APBA1: variants seen among roughly 807,000 people sequenced by gnomAD.
The protein encoded by APBA1 is amyloid-beta A4 precursor protein-binding family A member 1.
In APBA1, 55 loss-of-function variants were observed where a neutral mutation model predicts 86.6. The ratio of observed to expected loss-of-function variants is 0.64; its 90% CI spans 0.51 to 0.80. APBA1 has a LOEUF of 0.80. Among genes scored for constraint, APBA1 ranks in the 30% least tolerant of loss-of-function variants. The probability of loss-of-function intolerance (pLI) is 0.00; values close to 1 mark genes in which losing one functional copy is unlikely to be tolerated. For missense variants in APBA1, 1,090 were observed against 1,183.0 expected (o/e 0.92, Z 1.15); for synonymous variants, 511 against 493.9 (o/e 1.03, Z -0.46).
At chr9:69,538,459 T>C (rs938958222) in intron 1 of APBA1, among the ~76,000 whole-genome samples, 4 of 152,172 alleles carry the variant, frequency 2.6e-5, no homozygotes, top group Non-Finnish European at 5.9e-5. Flanking sequence ...GAAAGGTACT[T>C]AGTGCTTTCC....
chr9:69,498,063 C>A (rs1193139544), intron 2 of APBA1, among the ~76,000 whole-genome samples: 1 of 152,086 alleles, frequency 6.6e-6, no homozygotes, highest in African/African-American at 2.4e-5. Flanking sequence ...TGGGTAATCT[C>A]CTCCCTGGGG....
chr9:69,492,879 T>C (rs1835736504), intron 2 of APBA1, among the ~76,000 whole-genome samples: 1 of 152,086 alleles, frequency 6.6e-6, no homozygotes, highest in South Asian at 2.1e-4. Context: ...GCAACAGAAA[T>C]TCATGGTAAT....
At chr9:69,513,777 G>A (rs1222696694) in intron 2 of APBA1, among the ~76,000 whole-genome samples, 1 of 152,202 alleles carries the variant, frequency 6.6e-6, no homozygotes, top group Non-Finnish European at 1.5e-5. Flanking sequence ...TTAAAGAGGA[G>A]GTGAATGCTA....
intron 1 of APBA1, among the ~76,000 whole-genome samples, chr9:69,666,251 A>AT (rs1192271022): frequency 6.6e-6 from 1 of 152,094 alleles, no homozygotes; most frequent in African/African-American, 2.4e-5. Context: ...ACATGTTCTT[A>AT]TCCAGCCTTT....
chr9:69,466,872 C>T (rs1347176563), intron 5 of APBA1, among the ~76,000 whole-genome samples: 3 of 152,190 alleles, frequency 2.0e-5, no homozygotes, highest in Non-Finnish European at 2.9e-5. Context: ...CCATTTTGAC[C>T]AGTTGAAACT....
intron 1 of APBA1, among the ~76,000 whole-genome samples, chr9:69,562,794 A>C (rs1036485582): frequency 3.3e-5 from 5 of 152,224 alleles, no homozygotes; most frequent in African/African-American, 1.2e-4. Flanking sequence ...GATCTGCCCA[A>C]ATAGAAAATT....
rs139270686 is a variant in APBA1, at chr9:69,635,655, T to C, written c.-70+36498A>G. Among the ~76,000 whole-genome samples, 331 of 152,114 alleles carry C rather than the reference T, an allele frequency of 2.2e-3. 2 individuals are homozygous for C. The highest frequency in any genetic ancestry group is 7.4e-3 in the African/African-American group (306 of 41,498). On this transcript the variant is annotated intron_variant, in intron 1 of 12. Coordinates refer to ENST00000265381, the MANE Select transcript of APBA1 (RefSeq NM_001163.4). ...CTGAAAATAAAGGAATGGAAAAAGA[T>C]ACTCCATGTAAATGGAAACCAAAAA...
At chr9:69,561,203 C>T (rs891757257) in intron 1 of APBA1, among the ~76,000 whole-genome samples, 3 of 152,094 alleles carry the variant, frequency 2.0e-5, no homozygotes, top group African/African-American at 4.8e-5. Context: ...TGCCCCAGAA[C>T]GTAAATCAAT....
chr9:69,513,202 A>G (rs1461330353), intron 2 of APBA1, among the ~76,000 whole-genome samples: 4 of 152,246 alleles, frequency 2.6e-5, no homozygotes, highest in Non-Finnish European at 5.9e-5. Flanking sequence ...AGCATCATAC[A>G]ATGTTCTATA....
chr9:69,434,890 AC>A (rs944006543), intron 11 of APBA1, among the ~76,000 whole-genome samples: 18 of 150,910 alleles, frequency 1.2e-4, no homozygotes, highest in Non-Finnish European at 2.4e-4. Flanking sequence ...GGTGTGCTAC[AC>A]CCATTAACTC....
intron 1 of APBA1, among the ~76,000 whole-genome samples, chr9:69,659,132 G>A (rs901568867): frequency 6.6e-6 from 1 of 152,134 alleles, no homozygotes; most frequent in Non-Finnish European, 1.5e-5. Flanking sequence ...TAAGACATCT[G>A]CAAAGCACAC....
chr9:69,622,852 G>A (rs903359725), intron 1 of APBA1, among the ~76,000 whole-genome samples: 5 of 152,102 alleles, frequency 3.3e-5, no homozygotes, highest in African/African-American at 7.2e-5. Flanking sequence ...AACTTCTCAT[G>A]ACAAACCCTT....
chr9:69,603,821 A>G (rs1010886029), intron 1 of APBA1, among the ~76,000 whole-genome samples: 3 of 152,246 alleles, frequency 2.0e-5, no homozygotes, highest in African/African-American at 7.2e-5. Flanking sequence ...AAACCTGGAC[A>G]GTGCCAGACA....
chr9:69,467,705 T>G, intron 5 of APBA1, 118 bp downstream of exon 5: 2 of 1,377,626 alleles, frequency 1.5e-6, no homozygotes, highest in South Asian at 1.4e-5. Context: ...ACTGCCTGTG[T>G]GATGTCATCT....
At chr9:69,473,454 T>C (rs184383966) in intron 3 of APBA1, among the ~76,000 whole-genome samples, 1 of 152,348 alleles carries the variant, frequency 6.6e-6, no homozygotes, top group Admixed American at 6.5e-5. Flanking sequence ...TTAATCAGAA[T>C]TGCTTAGCCT....
intron 1 of APBA1, among the ~76,000 whole-genome samples, chr9:69,639,570 A>C (rs1290435725): frequency 6.6e-6 from 1 of 152,234 alleles, no homozygotes; most frequent in Non-Finnish European, 1.5e-5. Flanking sequence ...GTCCAAAATG[A>C]AATGGATTAA....
rs577268363 is a variant in APBA1 at position 69,486,572 on chromosome 9, G to A, written c.1201-10429C>T. 2.2e-4 allele frequency among the ~76,000 whole-genome samples: 33 copies of A among 152,190 alleles called. 1 individual carries two copies. The highest frequency in any genetic ancestry group is 7.2e-4 in the African/African-American group (30 of 41,530). ...GGACACAGAGGTAGTGGTCAGTTCTGCAGGAGGGGAGGGGTGTGCATCAGG... is the reference window on the plus strand; with the variant it reads ...GGACACAGAGGTAGTGGTCAGTTCTACAGGAGGGGAGGGGTGTGCATCAGG... On this transcript the variant is annotated intron_variant, in intron 2 of 12. Transcript: ENST00000265381.
At chr9:69,453,803 T>C (rs1835051647) in intron 8 of APBA1, among the ~76,000 whole-genome samples, 1 of 152,272 alleles carries the variant, frequency 6.6e-6, no homozygotes, top group African/African-American at 2.4e-5. Context: ...ACAAATTCTA[T>C]AAACGGCCTG....
At chr9:69,544,450 G>T (rs1836665444) in intron 1 of APBA1, among the ~76,000 whole-genome samples, 1 of 152,178 alleles carries the variant, frequency 6.6e-6, no homozygotes, top group Non-Finnish European at 1.5e-5. Flanking sequence ...CATGCAGTAA[G>T]ATGTCTTTAG....
Sources: gnomAD v4.1 joint callset for allele counts (sites outside exome capture counted in the v4.1 genomes callset) on GRCh38, gnomAD v4.1.1 for gene constraint, MANE v1.5 for transcripts, NCBI Gene and HGNC (gene_info 2026-07-23, HGNC 2026-07-21) for gene names.